GRIK2: variants seen among roughly 807,000 people sequenced by gnomAD.
The protein encoded by GRIK2 is glutamate ionotropic receptor kainate type subunit 2, also known as glutamate receptor ionotropic, kainate 2.
A neutral mutation model predicts 100.3 loss-of-function variants in GRIK2; 32 were observed. The ratio of observed to expected loss-of-function variants is 0.32; its 90% confidence interval spans 0.24 to 0.43. The LOEUF (loss-of-function observed/expected upper bound fraction) is 0.43. Among genes scored for constraint, GRIK2 ranks in the 20% least tolerant of loss-of-function variants. The pLI, the probability that GRIK2 is intolerant of heterozygous loss-of-function variation, is 1.00. For synonymous variants in GRIK2, 417 were observed against 389.4 expected (o/e 1.07, Z -0.83); for missense variants, 843 against 1,114.9 (o/e 0.76, Z 3.47).
chr6:101,726,061 T>C (rs530335768), intron 7 of GRIK2, among the ~76,000 whole-genome samples: 3 of 152,122 alleles, frequency 2.0e-5, no homozygotes, highest in South Asian at 4.1e-4. Flanking sequence ...TTTTCAGGAC[T>C]TTTAAAACCT....
chr6:101,775,648 G>A (rs188830725), intron 7 of GRIK2, among the ~76,000 whole-genome samples: 18 of 151,004 alleles, frequency 1.2e-4, no homozygotes, highest in Admixed American at 6.6e-4. Context: ...CACATTCCCC[G>A]CCCCGGTCTG....
chr6:101,707,588 GTGTGTGTATATA>G (rs1562324672), intron 7 of GRIK2, among the ~76,000 whole-genome samples: 29 of 132,836 alleles, frequency 2.2e-4, no homozygotes, highest in African/African-American at 7.6e-4. Context: ...GTGTGTGTGT[GTGTGTGTATATA>G]TGTGTGTATA....
At chr6:101,831,353 T>C (rs561987378) in intron 10 of GRIK2, among the ~76,000 whole-genome samples, 7 of 152,210 alleles carry the variant, frequency 4.6e-5, no homozygotes, top group Non-Finnish European at 7.4e-5. Flanking sequence ...TGAGTTGTAC[T>C]GATGGTAGCT....
Position 101,995,559 on chromosome 6 carries a change from A to C in GRIK2, c.2086-39782A>C, listed in dbSNP as rs141926881. On this transcript the variant is annotated intron_variant, in intron 14 of 16. Coordinates refer to ENST00000369134, the MANE Select transcript of GRIK2 (RefSeq NM_021956.5). ...GACAGCAAAGAGCAGACTGCTTTAA[A>C]TGCTCATCAACGTCTTTTCAAAATA... 7.2e-5 allele frequency among the ~76,000 whole-genome samples: 11 copies of C among 152,120 alleles called. No homozygotes were observed. The East Asian group carries it at 2.1e-3, about 30-fold the overall frequency.
chr6:101,692,128 T>C (rs1464573767), intron 7 of GRIK2, among the ~76,000 whole-genome samples: 3 of 151,766 alleles, frequency 2.0e-5, no homozygotes, highest in South Asian at 4.1e-4. Context: ...CTTTTTCATT[T>C]ACTGCTAGAA....
intron 7 of GRIK2, among the ~76,000 whole-genome samples, chr6:101,786,571 T>G (rs1425501944): frequency 6.6e-6 from 1 of 152,154 alleles, no homozygotes; most frequent in Non-Finnish European, 1.5e-5. Flanking sequence ...CCCTTTATTC[T>G]ATTGGTGTGA....
intron 16 of GRIK2, among the ~76,000 whole-genome samples, chr6:102,063,302 C>T (rs566243405): frequency 4.7e-5 from 7 of 150,346 alleles, no homozygotes; most frequent in Admixed American, 3.3e-4. Context: ...ATTAGGCCAG[C>T]GAGATACACA....
chr6:101,924,773 G>A (rs1004497104), intron 13 of GRIK2, 54 bp downstream of exon 13: 1 of 1,097,790 alleles, frequency 9.1e-7, no homozygotes, highest in Non-Finnish European at 1.4e-6. Context: ...CTCTTTGCTG[G>A]GGGTGACAGC....
At chr6:101,543,960 T>C (rs769951158) in intron 2 of GRIK2, among the ~76,000 whole-genome samples, 4 of 152,016 alleles carry the variant, frequency 2.6e-5, no homozygotes, top group Non-Finnish European at 4.4e-5. Context: ...AAGCAGAGTA[T>C]AATATAGCAG....
intron 2 of GRIK2, chr6:101,620,316 A>G (rs971565055): frequency 3.0e-5 from 9 of 301,206 alleles, no homozygotes; most frequent in Non-Finnish European, 3.9e-5. Context: ...TTTGCTTAAC[A>G]TAAGTCACCA....
chr6:101,789,668 A>C (rs1316592839), intron 7 of GRIK2, among the ~76,000 whole-genome samples: 2 of 152,208 alleles, frequency 1.3e-5, no homozygotes, highest in Non-Finnish European at 2.9e-5. Flanking sequence ...CTTTTGGCTT[A>C]GGATTGACTT....
At chr6:101,718,025 A>G (rs1027681350) in intron 7 of GRIK2, among the ~76,000 whole-genome samples, 9 of 151,780 alleles carry the variant, frequency 5.9e-5, no homozygotes, top group Admixed American at 1.3e-4. Flanking sequence ...CCTTCTACCT[A>G]TGTTTCTTTG....
At chr6:101,413,225 A>G (rs1775964201) in intron 2 of GRIK2, among the ~76,000 whole-genome samples, 1 of 151,944 alleles carries the variant, frequency 6.6e-6, no homozygotes, top group Admixed American at 6.6e-5. Context: ...TTAAACCCCT[A>G]TTTAGTATAA....
At chr6:101,646,883 GA>G in intron 4 of GRIK2, among the ~76,000 whole-genome samples, 1 of 152,004 alleles carries the variant, frequency 6.6e-6, no homozygotes, top group Middle Eastern at 3.4e-3. Flanking sequence ...TCATTACTAT[GA>G]GCACAGAGAA....
At position 101,399,387 on chromosome 6, in the gene GRIK2, G is replaced by C; in HGVS notation, c.110G>C (p.Arg37Thr). Residue 37 changes from arginine (R) to threonine (T), a missense_variant, in exon 2 of 17, where the codon AGA becomes ACA. Physicochemically the swap from Arg to Thr is moderately conservative, Grantham distance 71. Around this residue, in one of 3 missense-constraint regions of GRIK2, gnomAD observed 519 missense variants for 643.8 expected, o/e 0.81. Transcript: ENST00000369134. ...GYSQGTTHVL[R>T]FGGIFEYVES... ...TCTCAAGGAACCACACATGTATTAA[G>C]ATTTGGTAAGATTCCCCATCTCTCT... The C allele has an allele frequency of 7.0e-7, 1 of 1,423,050 alleles. No homozygotes were observed. Among genetic ancestry groups the C allele is most frequent in the Non-Finnish European group, 9.9e-7 (1 of 1,005,610 alleles). 88.2% of individuals were successfully genotyped at this position (1,423,050 alleles called of 1,614,324 possible). A position where few individuals can be genotyped will look rare whatever the true frequency, so the allele number is the denominator to read the frequency against.
intron 2 of GRIK2, among the ~76,000 whole-genome samples, chr6:101,417,267 T>A (rs1432709754): frequency 1.3e-5 from 2 of 152,026 alleles, no homozygotes; most frequent in Admixed American, 1.3e-4. Flanking sequence ...CCACAACATG[T>A]GGGGATTAGG....
intron 7 of GRIK2, among the ~76,000 whole-genome samples, chr6:101,734,136 T>C (rs1375621441): frequency 6.6e-6 from 1 of 152,082 alleles, no homozygotes; most frequent in Non-Finnish European, 1.5e-5. Flanking sequence ...ACACTCTTGT[T>C]ACCAAAATCT....
intron 2 of GRIK2, among the ~76,000 whole-genome samples, chr6:101,516,164 A>G (rs1237108651): frequency 2.6e-5 from 4 of 152,092 alleles, no homozygotes; most frequent in Non-Finnish European, 5.9e-5. Context: ...CATACTGCCA[A>G]AAGCAATCTA....
chr6:101,981,093 C>T (rs1793690688), intron 14 of GRIK2, among the ~76,000 whole-genome samples: 1 of 151,500 alleles, frequency 6.6e-6, no homozygotes, highest in African/African-American at 2.4e-5. Flanking sequence ...ACATGTGTTC[C>T]ATTAACCACA....
Sources: allele counts gnomAD v4.1 joint callset (sites outside exome capture counted in the v4.1 genomes callset), GRCh38; gene constraint gnomAD v4.1.1; regional missense constraint gnomAD v4.1.1; transcripts MANE v1.5; gene names NCBI Gene and HGNC (gene_info 2026-07-23, HGNC 2026-07-21).